The following GSE1 variants were observed in gnomAD, a reference collection of about 807,000 sequenced individuals.
GSE1 encodes the protein Gse1 coiled-coil protein, also known as genetic suppressor element 1.
In GSE1, 32 loss-of-function variants were observed where a neutral mutation model predicts 112.6. The observed-to-expected ratio is 0.28, with a 90% CI of 0.21 to 0.38. The LOEUF is 0.38. GSE1 is among the 10% of genes least tolerant of loss of function. The pLI is 1.00. For synonymous variants in GSE1, 1,115 were observed against 735.6 expected, an observed-to-expected ratio of 1.52 and a Z score of -8.35; for missense variants, 2,348 against 1,699.2, an observed-to-expected ratio of 1.38 and a Z score of -6.71.
intron 1 of GSE1, among the ~76,000 whole-genome samples, chr16:85,185,841 A>G (rs914667530): frequency 3.3e-5 from 5 of 152,214 alleles, no homozygotes; most frequent in Non-Finnish European, 7.4e-5. Flanking sequence ...CATTCTGGGA[A>G]ACTCTGGAGG....
At chr16:85,650,192 C>T (rs1226519915) in intron 3 of GSE1, among the ~76,000 whole-genome samples, 1 of 152,184 alleles carries the variant, frequency 6.6e-6, no homozygotes, top group African/African-American at 2.4e-5. Context: ...CCACACCCCA[C>T]AGGGCTTGGA....
Position 85,657,386 on chromosome 16 carries a change from C to A in GSE1, c.1422C>A (p.Ile474=). ...CCAGCCTCATCTCCAACCATGGCAT[C>A]TTCTCTCTGCCTAGCAGCAGTGCTG... ...TVPSLISNHG[I]FSLPSSSAAT... is the part of the protein sequence containing the mutation. Residue 474 remains isoleucine, a synonymous_variant, in exon 8 of 16, where the codon ATC becomes ATA. Transcript: ENST00000253458. 6.2e-7 allele frequency: 1 copy of A among 1,612,686 alleles called. No individual in the cohort carries two copies. Among genetic ancestry groups the A allele is most frequent in the Non-Finnish European group, 8.5e-7 (1 of 1,179,866 alleles).
intron 2 of GSE1, among the ~76,000 whole-genome samples, chr16:85,462,283 T>C (rs910418682): frequency 2.6e-5 from 4 of 152,060 alleles, no homozygotes; most frequent in Non-Finnish European, 5.9e-5. Context: ...TTAGAAGCGA[T>C]GTCAGGTCGT....
At chr16:85,521,025 C>G (rs1158195730) in intron 2 of GSE1, among the ~76,000 whole-genome samples, 1 of 152,100 alleles carries the variant, frequency 6.6e-6, no homozygotes, top group South Asian at 2.1e-4. Context: ...GTTGAGGAGC[C>G]TTTGGGAGCC....
At chr16:85,189,790 A>G (rs1175715137) in intron 1 of GSE1, among the ~76,000 whole-genome samples, 1 of 152,200 alleles carries the variant, frequency 6.6e-6, no homozygotes, top group Non-Finnish European at 1.5e-5. Context: ...TAGGTAGTCA[A>G]ATTAGTTGAT....
intron 2 of GSE1, among the ~76,000 whole-genome samples, chr16:85,466,000 G>A (rs183055098): frequency 2.6e-5 from 4 of 152,378 alleles, no homozygotes; most frequent in African/African-American, 9.6e-5. Flanking sequence ...TCCAAGTCCT[G>A]TGGGTGGATG....
chr16:85,544,327 G>A (rs1046272281), intron 2 of GSE1, among the ~76,000 whole-genome samples: 4 of 152,186 alleles, frequency 2.6e-5, no homozygotes, highest in African/African-American at 9.7e-5. Context: ...CCAGGACAGA[G>A]GAGCCATTCT....
At chr16:85,258,778 A>G (rs1378765729) in intron 1 of GSE1, among the ~76,000 whole-genome samples, 1 of 152,178 alleles carries the variant, frequency 6.6e-6, no homozygotes. Flanking sequence ...GGCGCTTGTC[A>G]GGCCCGCGAA....
chr16:85,645,254 G>T (rs2050758668), intron 2 of GSE1, among the ~76,000 whole-genome samples: 1 of 152,110 alleles, frequency 6.6e-6, no homozygotes, highest in Admixed American at 6.6e-5. Context: ...TTCCCCACCT[G>T]GGCCAGATCC....
chr16:85,332,632 C>G (rs1174980546), intron 1 of GSE1, among the ~76,000 whole-genome samples: 1 of 152,158 alleles, frequency 6.6e-6, no homozygotes. Flanking sequence ...CCCTGCAGGA[C>G]TCTCCTTCTC....
rs536431967 is a variant in GSE1, at chr16:85,567,354, G to T, written c.37+10991G>T. Among the ~76,000 whole-genome samples the T allele has an allele frequency of 2.0e-5, 3 of 152,154 alleles. No homozygotes were observed. The East Asian group carries it at 5.8e-4, about 29-fold the overall frequency. ...AGAAAGGGTGTGGTGGGGTGGAGCC[G>T]GTCTCTGCCCAGCTACACCTGGGGC... is the stretch of plus-strand genomic sequence containing the variant. On this transcript the variant is annotated intron_variant, in intron 1 of 2. Transcript: ENST00000635906.
chr16:85,332,512 G>C (rs1402994924), intron 1 of GSE1, among the ~76,000 whole-genome samples: 1 of 152,178 alleles, frequency 6.6e-6, no homozygotes, highest in African/African-American at 2.4e-5. Flanking sequence ...TCCATAGCCA[G>C]CAGCTCTTGG....
intron 1 of GSE1, among the ~76,000 whole-genome samples, chr16:85,631,213 G>A (rs1267224241): frequency 6.6e-6 from 1 of 152,246 alleles, no homozygotes; most frequent in African/African-American, 2.4e-5. Context: ...CCTACTCGGT[G>A]TGGTGCTGAA....
chr16:85,407,990 C>T (rs1278691225), intron 2 of GSE1, among the ~76,000 whole-genome samples: 1 of 55,912 alleles, frequency 1.8e-5, no homozygotes, highest in Non-Finnish European at 3.8e-5. Context: ...CTCACTGTTA[C>T]ACTCAGGGCC....
At chr16:85,307,361 G>T (rs1049924033) in intron 1 of GSE1, among the ~76,000 whole-genome samples, 1 of 152,194 alleles carries the variant, frequency 6.6e-6, no homozygotes, top group African/African-American at 2.4e-5. Flanking sequence ...CTTCACTTCT[G>T]ACACACCTGC....
intron 2 of GSE1, among the ~76,000 whole-genome samples, chr16:85,519,315 C>A (rs2052063161): frequency 7.4e-6 from 1 of 135,524 alleles, no homozygotes; most frequent in East Asian, 2.6e-4. Context: ...ATCATCATCA[C>A]CTTCACCACC....
intron 1 of GSE1, among the ~76,000 whole-genome samples, chr16:85,293,526 A>G (rs2045281438): frequency 6.6e-6 from 1 of 152,108 alleles, no homozygotes; most frequent in African/African-American, 2.4e-5. Flanking sequence ...AGCCCAGGGG[A>G]TAGAGTGAGT....
chr16:85,410,412 CACT>C (rs2048487407), intron 2 of GSE1, among the ~76,000 whole-genome samples: 1 of 32,710 alleles, frequency 3.1e-5, no homozygotes, highest in Non-Finnish European at 5.7e-5. Context: ...GGATAATCCT[CACT>C]GTTACACTCA....
intron 1 of GSE1, among the ~76,000 whole-genome samples, chr16:85,246,858 C>T (rs1333317442): frequency 2.0e-5 from 3 of 152,116 alleles, no homozygotes; most frequent in Admixed American, 6.5e-5. Flanking sequence ...CCCTTTGTCA[C>T]GGAGTCCTGG....
Sources: allele counts gnomAD v4.1 joint callset (sites outside exome capture counted in the v4.1 genomes callset), GRCh38; gene constraint gnomAD v4.1.1; transcripts MANE v1.5; gene names NCBI Gene and HGNC (gene_info 2026-07-23, HGNC 2026-07-21).